Variants in SVOPL observed in about 807,000 individuals in gnomAD.
SVOPL encodes the protein putative transporter SVOPL.
Under a neutral mutation model 61.0 loss-of-function variants are expected in SVOPL, and 60 were observed. That is an observed-to-expected ratio of 0.98 (90% CI 0.80 to 1.22). The LOEUF (loss-of-function observed/expected upper bound fraction) is 1.22, where lower values mean the gene tolerates loss of function less well. SVOPL is among the 50% of genes most tolerant of loss of function. The pLI is 0.00. For synonymous variants in SVOPL, 279 were observed against 250.0 expected (o/e 1.12, Z -1.09); for missense variants, 662 against 643.9 (o/e 1.03, Z -0.30).
chr7:138,669,959 C>T (rs759685739), intron 4 of SVOPL, among the ~76,000 whole-genome samples: 1 of 152,170 alleles, frequency 6.6e-6, no homozygotes, highest in Non-Finnish European at 1.5e-5. Context: ...AGTAAATCAA[C>T]CTTTCTCTCC....
Position 138,638,868 on chromosome 7 carries a change from AG to A in SVOPL, c.789+5848del, listed in dbSNP as rs1800635520. Among the ~76,000 whole-genome samples the A allele has an allele frequency of 2.6e-5, 4 of 152,332 alleles. No individual in the cohort carries two copies. In the South Asian group the frequency reaches 8.3e-4, roughly 32 times the overall value. On this transcript the variant is annotated intron_variant, in intron 9 of 15. Transcript: ENST00000674285. ...GAGGGAAAGGCAAACTCAATCTAAT[AG>A]AAGTTAGTCAAGGAGACAAGGAAAG...
At chr7:138,627,525 T>C in intron 11 of SVOPL, 64 bp from the exon 12 acceptor site, 1 of 1,181,396 alleles carries the variant, frequency 8.5e-7, no homozygotes, top group Non-Finnish European at 1.3e-6. Context: ...ATTGCAACAC[T>C]GGCATGGATT....
rs138174501 is a variant in SVOPL, at chr7:138,656,482, G to A, written c.500C>T (p.Thr167Met). 52 of 1,613,946 alleles carry A rather than the reference G, an allele frequency of 3.2e-5. No individual in the cohort carries two copies. The highest frequency in any genetic ancestry group is 3.3e-4 in the Middle Eastern group (2 of 6,062). The change falls in exon 7 of 16, where the codon ACG becomes ATG. Residue 167 changes from threonine (T) to methionine (M), a missense_variant. Physicochemically the swap from Thr to Met is moderately conservative, Grantham distance 81. Coordinates refer to ENST00000674285, the MANE Select transcript of SVOPL (RefSeq NM_001139456.2). ...GLIIKTEFLP[T>M]KYRGYMLPLS... ...GGGTAACATATAGCCTCGGTATTTC[G>A]TGGGCAAAAATTCAGTCTTTATGAT...
chr7:138,673,190 T>G (rs1461370433), intron 3 of SVOPL, among the ~76,000 whole-genome samples: 1 of 152,184 alleles, frequency 6.6e-6, no homozygotes, highest in East Asian at 1.9e-4. Context: ...CTTGTATGAC[T>G]TGGAGGTCTG....
chr7:138,637,865 T>A (rs1373059842), intron 9 of SVOPL, among the ~76,000 whole-genome samples: 1 of 150,604 alleles, frequency 6.6e-6, no homozygotes, highest in East Asian at 2.0e-4. Flanking sequence ...TGCAGGAGAA[T>A]CGCTTGAACC....
At chr7:138,692,109 G>T (rs2117142223) in intron 1 of SVOPL, among the ~76,000 whole-genome samples, 1 of 152,246 alleles carries the variant, frequency 6.6e-6, no homozygotes, top group East Asian at 1.9e-4. Flanking sequence ...CTGGGAGGAG[G>T]AGGTTACAGT....
chr7:138,622,302 C>CTATCTATCTATCTATG (rs1799703484), intron 13 of SVOPL, among the ~76,000 whole-genome samples: 2 of 129,704 alleles, frequency 1.5e-5, no homozygotes, highest in African/African-American at 5.8e-5. Context: ...ATCTATCTAT[C>CTATCTATCTATCTATG]TATCTATCTA....
At chr7:138,692,837 A>G (rs1343341548) in intron 1 of SVOPL, among the ~76,000 whole-genome samples, 1 of 152,208 alleles carries the variant, frequency 6.6e-6, no homozygotes, top group Non-Finnish European at 1.5e-5. Context: ...TTGTGGTTTC[A>G]GGACGGAACA....
At chr7:138,597,766 A>G (rs1798341170) in intron 14 of SVOPL, among the ~76,000 whole-genome samples, 2 of 152,130 alleles carry the variant, frequency 1.3e-5, no homozygotes, top group African/African-American at 2.4e-5. Flanking sequence ...ATAATTAGGC[A>G]TGTGTCTAGA....
At chr7:138,671,962 G>A in intron 4 of SVOPL, 57 bp downstream of exon 4, 1 of 1,490,740 alleles carries the variant, frequency 6.7e-7, no homozygotes, top group Non-Finnish European at 9.2e-7. Context: ...CAGGATGGAG[G>A]AAAGGGAGCC....
chr7:138,594,926 C>CT (rs750165408), intron 15 of SVOPL, among the ~76,000 whole-genome samples: 5,350 of 144,258 alleles, frequency 0.037, 133 homozygotes, highest in Middle Eastern at 0.085. Flanking sequence ...ATATATATAA[C>CT]TTTTTTTTTT....
intron 14 of SVOPL, among the ~76,000 whole-genome samples, chr7:138,601,398 T>C (rs753642354): frequency 2.6e-5 from 4 of 151,966 alleles, no homozygotes; most frequent in Non-Finnish European, 4.4e-5. Context: ...AAGTGTGATA[T>C]ATACATACAA....
chr7:138,627,551 A>G, intron 11 of SVOPL, 90 bp from the exon 12 acceptor site: 2 of 945,930 alleles, frequency 2.1e-6, no homozygotes, highest in Non-Finnish European at 3.3e-6. Flanking sequence ...TTGTCGTTTC[A>G]GAAAGAAGCA....
chr7:138,621,160 C>G, intron 13 of SVOPL, 25 bp from the exon 14 acceptor site: 3 of 1,603,892 alleles, frequency 1.9e-6, no homozygotes, highest in Non-Finnish European at 1.7e-6. Flanking sequence ...ACGGAAAGTA[C>G]CAGTCAGATA....
At chr7:138,631,267 C>A (rs1227226511) in intron 9 of SVOPL, among the ~76,000 whole-genome samples, 2 of 152,098 alleles carry the variant, frequency 1.3e-5, no homozygotes, top group Non-Finnish European at 2.9e-5. Flanking sequence ...TTTTGATAAA[C>A]CTCATGAAAT....
chr7:138,629,127 ATG>A (rs71520009), intron 10 of SVOPL, among the ~76,000 whole-genome samples: 3,900 of 66,088 alleles, frequency 0.059, 99 homozygotes, highest in South Asian at 0.22. Context: ...TGTTTTATAT[ATG>A]TGTGTGTGTG....
At chr7:138,618,296 A>G (rs969356743) in intron 14 of SVOPL, among the ~76,000 whole-genome samples, 1 of 152,140 alleles carries the variant, frequency 6.6e-6, no homozygotes, top group African/African-American at 2.4e-5. Flanking sequence ...ATTGCTTTAC[A>G]TTTATTCATC....
At chr7:138,651,962 C>T (rs754759674) in intron 7 of SVOPL, among the ~76,000 whole-genome samples, 7 of 152,126 alleles carry the variant, frequency 4.6e-5, no homozygotes, top group Non-Finnish European at 7.4e-5. Context: ...TGCAGTGGCG[C>T]AATCACGGCT....
chr7:138,621,908 ATC>A (rs1799603060), intron 13 of SVOPL, among the ~76,000 whole-genome samples: 1 of 116,746 alleles, frequency 8.6e-6, no homozygotes. Flanking sequence ...CTATCTATGT[ATC>A]TATCTATGTA....
Sources: allele counts gnomAD v4.1 joint callset (sites outside exome capture counted in the v4.1 genomes callset), GRCh38; gene constraint gnomAD v4.1.1; transcripts MANE v1.5; gene names NCBI Gene and HGNC (gene_info 2026-07-23, HGNC 2026-07-21).